Variants in DRAM1 observed in about 807,000 individuals in gnomAD.
DRAM1 encodes the protein DNA damage regulated autophagy modulator 1.
DRAM1 carries 25 observed loss-of-function variants against 28.5 expected under a neutral mutation model. The ratio of observed to expected loss-of-function variants is 0.88; its 90% confidence interval spans 0.64 to 1.23. The LOEUF (loss-of-function observed/expected upper bound fraction) is 1.23, where lower values mean the gene tolerates loss of function less well. DRAM1 is among the 50% of genes most tolerant of loss of function. The pLI is 0.00. For synonymous variants in DRAM1, 113 were observed against 114.2 expected, an observed-to-expected ratio of 0.99 and a Z score of 0.07; for missense variants, 249 against 299.2, an observed-to-expected ratio of 0.83 and a Z score of 1.24.
At chr12:101,913,781 T>C (rs57578776) in intron 4 of DRAM1, among the ~76,000 whole-genome samples, 13,369 of 151,084 alleles carry the variant, frequency 0.088, 1,175 homozygotes, top group East Asian at 0.24. Flanking sequence ...GTGGGAAGTA[T>C]TCAAAAAGAA....
At chr12:101,890,607 G>A (rs1873081259) in intron 1 of DRAM1, among the ~76,000 whole-genome samples, 1 of 97,846 alleles carries the variant, frequency 1.0e-5, no homozygotes, top group Non-Finnish European at 2.0e-5. Flanking sequence ...TTGTATGTGT[G>A]AACAAGAGGG....
At chr12:101,878,461 G>A (rs538387477) in intron 1 of DRAM1, among the ~76,000 whole-genome samples, 2 of 152,324 alleles carry the variant, frequency 1.3e-5, no homozygotes, top group Non-Finnish European at 1.5e-5. Flanking sequence ...CATGCAGAAA[G>A]CAACACTGTG....
At chr12:101,880,344 A>G (rs10860809) in intron 1 of DRAM1, among the ~76,000 whole-genome samples, 39,890 of 135,414 alleles carry the variant, frequency 0.29, 5,971 homozygotes, top group East Asian at 0.4. Flanking sequence ...CTGGAGTGCA[A>G]TGGTGCAATC....
rs570761742 is a variant in DRAM1 at position 101,899,639 on chromosome 12, G to A, written c.200-1652G>A. The stretch of plus-strand genomic sequence containing the variant: ...GGCTGCAGTGAACCATGACTGTGCC[G>A]CTGCACTCCCACCCAGGTGACAGAG... On this transcript the variant is annotated intron_variant, in intron 2 of 6. Coordinates refer to ENST00000258534, the MANE Select transcript of DRAM1 (RefSeq NM_018370.3). 6.2e-5 allele frequency among the ~76,000 whole-genome samples: 9 copies of A among 145,232 alleles called. No homozygotes were observed. In the South Asian group the frequency reaches 1.1e-3, roughly 17 times the overall value.
At chr12:101,887,205 GA>G (rs947671849) in intron 1 of DRAM1, among the ~76,000 whole-genome samples, 32 of 151,654 alleles carry the variant, frequency 2.1e-4, no homozygotes, top group African/African-American at 7.5e-4. Context: ...CAAATTGTCC[GA>G]AAAAAATTTG....
intron 1 of DRAM1, among the ~76,000 whole-genome samples, chr12:101,879,823 A>T (rs576872832): frequency 6.6e-6 from 1 of 152,028 alleles, no homozygotes; most frequent in Non-Finnish European, 1.5e-5. Context: ...GTAAAACCTC[A>T]TCTCTACTAA....
intron 1 of DRAM1, among the ~76,000 whole-genome samples, chr12:101,881,102 G>T (rs1872672588): frequency 6.6e-6 from 1 of 152,006 alleles, no homozygotes; most frequent in African/African-American, 2.4e-5. Flanking sequence ...AAGAAGGCTG[G>T]GTGCAGTCTC....
intron 4 of DRAM1, among the ~76,000 whole-genome samples, chr12:101,911,643 A>G (rs1016087211): frequency 2.0e-5 from 3 of 152,210 alleles, no homozygotes; most frequent in Non-Finnish European, 4.4e-5. Context: ...TGGCTTTTGC[A>G]TACTTGAAAT....
intron 1 of DRAM1, among the ~76,000 whole-genome samples, chr12:101,895,761 A>G (rs4764674): frequency 0.57 from 85,286 of 150,704 alleles, 26,016 homozygotes; most frequent in African/African-American, 0.82. Flanking sequence ...TAGTAGAGAC[A>G]GGGTTTCACC....
At position 101,895,834 on chromosome 12, in the gene DRAM1, T is replaced by C. The variant is rs777418803; in HGVS notation, c.132-2029T>C. 1.3e-4 allele frequency among the ~76,000 whole-genome samples: 19 copies of C among 151,852 alleles called. 1 individual carries two copies. The highest frequency in any genetic ancestry group is 4.6e-4 in the Admixed American group (7 of 15,228). On this transcript the variant is annotated intron_variant, in intron 1 of 6. Transcript: ENST00000258534. ...ATCCACCTGCCTCGGGCTCCCGTAG[T>C]GCTGGGATTACAGGTGTGAACCACC...
At chr12:101,893,708 A>G (rs1873228003) in intron 1 of DRAM1, among the ~76,000 whole-genome samples, 1 of 152,108 alleles carries the variant, frequency 6.6e-6, no homozygotes, top group African/African-American at 2.4e-5. Flanking sequence ...GATATATGGT[A>G]AGCACCTAAT....
At chr12:101,902,365 G>A (rs1873637732) in intron 3 of DRAM1, among the ~76,000 whole-genome samples, 1 of 152,160 alleles carries the variant, frequency 6.6e-6, no homozygotes, top group Non-Finnish European at 1.5e-5. Flanking sequence ...GCAGAGGCGA[G>A]CTTTGAATTG....
intron 3 of DRAM1, among the ~76,000 whole-genome samples, chr12:101,903,780 A>G (rs1873685663): frequency 6.6e-6 from 1 of 152,032 alleles, no homozygotes; most frequent in Non-Finnish European, 1.5e-5. Flanking sequence ...CAAAACATCT[A>G]CAGCCAGGTG....
intron 1 of DRAM1, among the ~76,000 whole-genome samples, chr12:101,895,428 T>C (rs1271392468): frequency 6.6e-6 from 1 of 150,954 alleles, no homozygotes; most frequent in Non-Finnish European, 1.5e-5. Context: ...TCTTCCCGCC[T>C]CGGCCCACAG....
intron 5 of DRAM1, 39 bp downstream of exon 5, chr12:101,914,271 G>A: frequency 1.3e-6 from 2 of 1,538,530 alleles, no homozygotes; most frequent in Non-Finnish European, 8.9e-7. Flanking sequence ...TGTCGGACGT[G>A]GTTATGTGAG....
chr12:101,920,297 C>CT (rs373899697), intron 6 of DRAM1, 96 bp downstream of exon 6: 16,674 of 272,352 alleles, frequency 0.061, 3 homozygotes, highest in South Asian at 0.068. Flanking sequence ...AGAGCACTTT[C>CT]TTTTTTTTTT....
At chr12:101,920,934 A>C (rs2121183134) in intron 6 of DRAM1, among the ~76,000 whole-genome samples, 1 of 152,312 alleles carries the variant, frequency 6.6e-6, no homozygotes, top group South Asian at 2.1e-4. Context: ...TAAATGAATA[A>C]ATAAAAAATA....
At chr12:101,884,801 T>C (rs1050732082) in intron 1 of DRAM1, among the ~76,000 whole-genome samples, 16 of 152,196 alleles carry the variant, frequency 1.1e-4, no homozygotes, top group African/African-American at 3.9e-4. Context: ...TTTGGTCAGG[T>C]CTTTAACTTC....
chr12:101,905,730 C>T (rs1039845860), intron 3 of DRAM1, among the ~76,000 whole-genome samples: 1 of 152,052 alleles, frequency 6.6e-6, no homozygotes, highest in East Asian at 1.9e-4. Flanking sequence ...GCTGGGACTA[C>T]AGGCACACAC....
Sources: gnomAD v4.1 joint callset for allele counts (sites outside exome capture counted in the v4.1 genomes callset) on GRCh38, gnomAD v4.1.1 for gene constraint, MANE v1.5 for transcripts, NCBI Gene and HGNC (gene_info 2026-07-23, HGNC 2026-07-21) for gene names.